The following RABGAP1L variants were observed in gnomAD, a reference collection of about 807,000 sequenced individuals.
RABGAP1L encodes the protein RAB GTPase activating protein 1 like, also known as rab GTPase-activating protein 1-like.
In RABGAP1L, 63 loss-of-function variants were observed where a neutral mutation model predicts 137.7. The ratio of observed to expected loss-of-function variants is 0.46; its 90% CI spans 0.37 to 0.56. The LOEUF is 0.56. Among genes scored for constraint, RABGAP1L ranks in the 20% least tolerant of loss-of-function variants. The pLI is 0.00. For missense variants in RABGAP1L, 1,095 were observed against 1,244.0 expected, an observed-to-expected ratio of 0.88 and a Z score of 1.80; for synonymous variants, 431 against 433.7, an observed-to-expected ratio of 0.99 and a Z score of 0.08.
chr1:174,833,715 C>T (rs79814780), intron 19 of RABGAP1L, among the ~76,000 whole-genome samples: 19 of 151,734 alleles, frequency 1.3e-4, no homozygotes, highest in African/African-American at 4.6e-4. Context: ...CAGTTATGAT[C>T]ATAACAGAAA....
chr1:174,930,902 T>A (rs1425481495), intron 19 of RABGAP1L, among the ~76,000 whole-genome samples: 3 of 152,158 alleles, frequency 2.0e-5, no homozygotes, highest in African/African-American at 7.2e-5. Context: ...GGTGCATTTT[T>A]AAAATTCAAA....
chr1:174,424,670 A>G (rs1405127937), intron 13 of RABGAP1L, among the ~76,000 whole-genome samples: 1 of 152,066 alleles, frequency 6.6e-6, no homozygotes, highest in Non-Finnish European at 1.5e-5. Flanking sequence ...CACTTTCTCA[A>G]TTGTCTTATT....
chr1:174,853,480 C>T (rs1648729881), intron 19 of RABGAP1L, among the ~76,000 whole-genome samples: 1 of 151,982 alleles, frequency 6.6e-6, no homozygotes, highest in Non-Finnish European at 1.5e-5. Flanking sequence ...GCCTGTAATC[C>T]CAGCACTTTG....
At chr1:174,547,911 C>T (rs1216700727) in intron 13 of RABGAP1L, 2 of 1,549,942 alleles carry the variant, frequency 1.3e-6, no homozygotes, top group East Asian at 2.4e-5. Flanking sequence ...TGAAGGTCTC[C>T]ATGACACCCT....
chr1:174,919,388 C>T (rs1001265150), intron 19 of RABGAP1L, among the ~76,000 whole-genome samples: 2 of 152,168 alleles, frequency 1.3e-5, no homozygotes, highest in Non-Finnish European at 2.9e-5. Context: ...TCAGCTGGGA[C>T]CATTAACTGA....
intron 13 of RABGAP1L, among the ~76,000 whole-genome samples, chr1:174,413,537 A>G (rs1056906738): frequency 1.3e-5 from 2 of 152,086 alleles, no homozygotes; most frequent in African/African-American, 4.8e-5. Context: ...ATGGTGCCAG[A>G]ATTCTTGTAC....
intron 11 of RABGAP1L, among the ~76,000 whole-genome samples, chr1:174,352,610 C>A (rs1683296457): frequency 6.6e-6 from 1 of 152,060 alleles, no homozygotes; most frequent in Admixed American, 6.6e-5. Flanking sequence ...TTGATGATTT[C>A]CTGGATGATC....
rs192251557 is a variant in RABGAP1L, at chr1:174,787,346, T to C, written c.2212-24486T>C. Among the ~76,000 whole-genome samples the C allele has an allele frequency of 1.2e-4, 18 of 146,244 alleles. No homozygotes were observed. The East Asian group carries it at 3.4e-3, about 27-fold the overall frequency. On this transcript the variant is annotated intron_variant, in intron 18 of 25. Transcript: ENST00000681986. Reference sequence around the variant, plus strand: ...TGAACCTGGGAGGTGGAGATTGCAGTGAGCTGACATTGCACCATTGCACTC... The same window carrying C: ...TGAACCTGGGAGGTGGAGATTGCAGCGAGCTGACATTGCACCATTGCACTC...
intron 13 of RABGAP1L, among the ~76,000 whole-genome samples, chr1:174,538,602 G>T (rs964674048): frequency 1.3e-5 from 2 of 151,782 alleles, no homozygotes; most frequent in East Asian, 3.9e-4. Context: ...CTATGACTTA[G>T]TTTTTTTTAA....
At chr1:174,326,657 A>G (rs1680464465) in intron 11 of RABGAP1L, among the ~76,000 whole-genome samples, 2 of 152,190 alleles carry the variant, frequency 1.3e-5, no homozygotes, top group Non-Finnish European at 2.9e-5. Context: ...AAGCAATAAA[A>G]GAAAATTTTT....
At chr1:174,384,233 C>T (rs997036783) in intron 12 of RABGAP1L, among the ~76,000 whole-genome samples, 4 of 152,110 alleles carry the variant, frequency 2.6e-5, no homozygotes, top group Non-Finnish European at 5.9e-5. Flanking sequence ...AAACTATCAT[C>T]ATAGGAAGCA....
At chr1:174,665,774 T>G (rs562643862) in intron 14 of RABGAP1L, among the ~76,000 whole-genome samples, 1 of 152,336 alleles carries the variant, frequency 6.6e-6, no homozygotes, top group Non-Finnish European at 1.5e-5. Flanking sequence ...CTTAGCTTCT[T>G]TATCTATAAA....
chr1:174,274,100 AT>A lies in RABGAP1L; in HGVS notation c.1053+1627del, dbSNP rs568368150. Among the ~76,000 whole-genome samples, 12 of 152,210 alleles carry A rather than the reference AT, an allele frequency of 7.9e-5. No homozygotes were observed. In the East Asian group the frequency reaches 2.3e-3, roughly 29 times the overall value. On this transcript the variant is annotated intron_variant, in intron 8 of 25. Transcript: ENST00000681986. The stretch of plus-strand genomic sequence containing the variant: ...GGACAGTTCTGGTTATTACAAAGTT[AT>A]TTTTTTATAATCACCTGAAATCATA...
At chr1:174,900,518 G>C (rs917645792) in intron 19 of RABGAP1L, among the ~76,000 whole-genome samples, 5 of 152,156 alleles carry the variant, frequency 3.3e-5, no homozygotes, top group African/African-American at 1.2e-4. Context: ...GGATGAAGTG[G>C]AGTTGCAAAG....
At chr1:174,195,798 T>TTTCTTTCTTTCTTTCTTTCTTTCC (rs1163421673) in intron 1 of RABGAP1L, among the ~76,000 whole-genome samples, 7 of 128,600 alleles carry the variant, frequency 5.4e-5, no homozygotes, top group Non-Finnish European at 8.5e-5. Flanking sequence ...TCTTTCTTTC[T>TTTCTTTCTTTCTTTCTTTCTTTCC]TTCTTTCTTT....
At chr1:174,843,025 T>C (rs1490293535) in intron 19 of RABGAP1L, among the ~76,000 whole-genome samples, 1 of 152,150 alleles carries the variant, frequency 6.6e-6, no homozygotes, top group Non-Finnish European at 1.5e-5. Context: ...TAATTACTTT[T>C]TATAACTGTA....
chr1:174,781,959 G>C (rs918847077), intron 18 of RABGAP1L, among the ~76,000 whole-genome samples: 23 of 152,162 alleles, frequency 1.5e-4, no homozygotes, highest in Non-Finnish European at 2.6e-4. Context: ...TGCTGTTTTG[G>C]TTACTGTAGC....
chr1:174,498,883 T>C (rs1052356959), intron 13 of RABGAP1L, among the ~76,000 whole-genome samples: 15 of 152,162 alleles, frequency 9.9e-5, no homozygotes, highest in African/African-American at 3.6e-4. Flanking sequence ...CTCTTTGATA[T>C]GTTATCTAGT....
At chr1:174,510,683 A>G (rs1662249123) in intron 13 of RABGAP1L, among the ~76,000 whole-genome samples, 1 of 152,198 alleles carries the variant, frequency 6.6e-6, no homozygotes, top group Non-Finnish European at 1.5e-5. Context: ...TAAATGAACA[A>G]AACCCCACTC....
Sources: allele counts gnomAD v4.1 joint callset (sites outside exome capture counted in the v4.1 genomes callset), GRCh38; gene constraint gnomAD v4.1.1; transcripts MANE v1.5; gene names NCBI Gene and HGNC (gene_info 2026-07-23, HGNC 2026-07-21).